CACNB4: variants seen among roughly 807,000 people sequenced by gnomAD.
CACNB4 encodes voltage-dependent L-type calcium channel subunit beta-4.
A neutral mutation model predicts 71.2 loss-of-function variants in CACNB4; 32 were observed. The ratio of observed to expected loss-of-function variants is 0.45; its 90% CI spans 0.34 to 0.60. The LOEUF (loss-of-function observed/expected upper bound fraction) is 0.60. Among genes scored for constraint, CACNB4 ranks in the 20% least tolerant of loss-of-function variants. CACNB4 has a pLI of 0.01. For missense variants in CACNB4, 464 were observed against 647.9 expected, an observed-to-expected ratio of 0.72 and a Z score of 3.08; for synonymous variants, 231 against 236.9, an observed-to-expected ratio of 0.97 and a Z score of 0.23.
intron 2 of CACNB4, among the ~76,000 whole-genome samples, chr2:152,027,776 C>A (rs1003677647): frequency 7.0e-6 from 1 of 142,040 alleles, no homozygotes; most frequent in South Asian, 2.3e-4. Flanking sequence ...CGCTTGAACC[C>A]GGGAGGCGGA....
At chr2:151,870,423 G>A in intron 8 of CACNB4, 108 bp downstream of exon 8, 1 of 875,370 alleles carries the variant, frequency 1.1e-6, no homozygotes, top group Non-Finnish European at 1.9e-6. Flanking sequence ...CTGAGCACTG[G>A]CTTCCATCAG....
chr2:151,966,083 C>CTTT, intron 2 of CACNB4, among the ~76,000 whole-genome samples: 1 of 152,070 alleles, frequency 6.6e-6, no homozygotes, highest in East Asian at 1.9e-4. Context: ...GAAGAAACTG[C>CTTT]TTATCAGCAA....
chr2:152,037,199 T>A (rs1684640803), intron 2 of CACNB4, among the ~76,000 whole-genome samples: 1 of 152,200 alleles, frequency 6.6e-6, no homozygotes, highest in Non-Finnish European at 1.5e-5. Flanking sequence ...TTGGTTTGGT[T>A]AGAAATAATA....
chr2:151,842,922 CATT>C (rs1438515157), intron 12 of CACNB4, among the ~76,000 whole-genome samples: 1 of 152,136 alleles, frequency 6.6e-6, no homozygotes, highest in East Asian at 1.9e-4. Context: ...GTGAAAATAA[CATT>C]ATCTGTTTTA....
chr2:151,956,676 G>A (rs1461460035), intron 2 of CACNB4, among the ~76,000 whole-genome samples: 1 of 152,154 alleles, frequency 6.6e-6, no homozygotes, highest in African/African-American at 2.4e-5. Flanking sequence ...GAATTCCTTG[G>A]TATGTGAATT....
At chr2:152,079,671 A>C (rs575280147) in intron 2 of CACNB4, among the ~76,000 whole-genome samples, 1 of 152,280 alleles carries the variant, frequency 6.6e-6, no homozygotes, top group East Asian at 1.9e-4. Context: ...CTATAGTCCC[A>C]GGTACCTTGG....
intron 2 of CACNB4, among the ~76,000 whole-genome samples, chr2:152,088,398 C>G (rs1687788354): frequency 6.6e-6 from 1 of 152,108 alleles, no homozygotes; most frequent in Non-Finnish European, 1.5e-5. Flanking sequence ...AATGAAACTG[C>G]TAAAAAAATT....
chr2:151,891,582 T>C (rs1221013769), intron 2 of CACNB4, among the ~76,000 whole-genome samples: 2 of 152,246 alleles, frequency 1.3e-5, no homozygotes. Flanking sequence ...ACTGCTGTGA[T>C]AATCAGCACA....
At chr2:151,862,206 A>G (rs944729595) in intron 9 of CACNB4, among the ~76,000 whole-genome samples, 7 of 152,202 alleles carry the variant, frequency 4.6e-5, no homozygotes, top group African/African-American at 7.2e-5. Flanking sequence ...TTACTGAAAC[A>G]TATGTCATTT....
At chr2:152,040,630 C>A (rs1383387019) in intron 2 of CACNB4, among the ~76,000 whole-genome samples, 1 of 152,060 alleles carries the variant, frequency 6.6e-6, no homozygotes, top group Non-Finnish European at 1.5e-5. Context: ...TTAGTAGAGA[C>A]GAGGTTTCAC....
intron 2 of CACNB4, among the ~76,000 whole-genome samples, chr2:151,919,796 G>A (rs139180593): frequency 6.6e-6 from 1 of 152,128 alleles, no homozygotes; most frequent in East Asian, 1.9e-4. Context: ...CATTAAGACT[G>A]GATCCACCTT....
At chr2:151,939,866 G>T (rs1456025857) in intron 2 of CACNB4, among the ~76,000 whole-genome samples, 2 of 151,690 alleles carry the variant, frequency 1.3e-5, no homozygotes, top group African/African-American at 4.8e-5. Flanking sequence ...AAGGAATTAA[G>T]AAACAAATAT....
At chr2:151,928,494 G>T (rs1411278646) in intron 2 of CACNB4, among the ~76,000 whole-genome samples, 1 of 152,186 alleles carries the variant, frequency 6.6e-6, no homozygotes, top group African/African-American at 2.4e-5. Context: ...ACTCTCAAGG[G>T]ATTACACCCT....
chr2:152,010,224 C>G (rs1227649298), intron 2 of CACNB4, among the ~76,000 whole-genome samples: 1 of 152,126 alleles, frequency 6.6e-6, no homozygotes, highest in South Asian at 2.1e-4. Flanking sequence ...AAGTAAGCAC[C>G]ATTAAAATCA....
chr2:151,914,592 T>A (rs2099857004), intron 2 of CACNB4, among the ~76,000 whole-genome samples: 1 of 152,220 alleles, frequency 6.6e-6, no homozygotes, highest in Non-Finnish European at 1.5e-5. Context: ...TGATTCTTTC[T>A]CATCTTTGTG....
chr2:152,099,153 C>G (rs1228813056), upstream of CACNB4: 2 of 534,344 alleles, frequency 3.7e-6, no homozygotes, highest in Non-Finnish European at 6.5e-6. Flanking sequence ...GCTCCCTGCC[C>G]GCACTTCGGA....
intron 2 of CACNB4, among the ~76,000 whole-genome samples, chr2:151,888,847 A>T (rs747772745): frequency 3.9e-5 from 6 of 152,196 alleles, no homozygotes; most frequent in Non-Finnish European, 7.3e-5. Context: ...AACATAGTGT[A>T]CAAGAGTAAT....
At chr2:151,888,368 C>T (rs937720247) in intron 2 of CACNB4, among the ~76,000 whole-genome samples, 1 of 151,634 alleles carries the variant, frequency 6.6e-6, no homozygotes, top group African/African-American at 2.4e-5. Context: ...TTGAGACCAG[C>T]CTAGGTCACA....
chr2:151,883,088 C>G, intron 3 of CACNB4, 163 bp downstream of exon 3: 1 of 658,548 alleles, frequency 1.5e-6, no homozygotes. Context: ...GGAGATGTTA[C>G]TAACCTCACT....
Sources: allele counts gnomAD v4.1 joint callset (sites outside exome capture counted in the v4.1 genomes callset), GRCh38; gene constraint gnomAD v4.1.1; transcripts MANE v1.5; gene names NCBI Gene and HGNC (gene_info 2026-07-23, HGNC 2026-07-21).